KIF7: variants seen among roughly 807,000 people sequenced by gnomAD.
KIF7 encodes the protein kinesin-like protein KIF7.
KIF7 carries 104 observed loss-of-function variants against 135.7 expected under a neutral mutation model. The observed-to-expected ratio is 0.77, with a 90% CI of 0.65 to 0.90. The LOEUF is 0.90. Ranked by LOEUF, KIF7 falls within the 40% of genes least tolerant of loss-of-function variation. The pLI, the probability that KIF7 is intolerant of heterozygous loss-of-function variation, is 0.00. For missense variants in KIF7, 2,005 were observed against 1,839.1 expected, an observed-to-expected ratio of 1.09 and a Z score of -1.65; for synonymous variants, 883 against 809.4, an observed-to-expected ratio of 1.09 and a Z score of -1.54.
In KIF7 at chr15:89,645,925, CTCCTCCTCCTCT is replaced by C; in HGVS notation, c.1878_1889del (p.Glu628_Glu631del). Reference sequence around the variant, plus strand: ...GGTGTAAGGTCCGCCTGGGCGGCTCCTCCTCCTCCTCTTCCTCCTCTGAAGCAGCTGAAGAGC... The same window carrying C: ...GGTGTAAGGTCCGCCTGGGCGGCTCCTCCTCCTCTGAAGCAGCTGAAGAGC... On this transcript the variant is annotated inframe_deletion, in exon 8 of 19. Transcript: ENST00000394412. 1 of 1,613,752 alleles carries C rather than the reference CTCCTCCTCCTCT, an allele frequency of 6.2e-7. No individual in the cohort carries two copies. Among genetic ancestry groups the C allele is most frequent in the South Asian group, 1.1e-5 (1 of 91,086 alleles).
At chr15:89,633,424 G>A (rs573028765) in intron 12 of KIF7, among the ~76,000 whole-genome samples, 158 bp from the exon 13 acceptor site, 3 of 152,272 alleles carry the variant, frequency 2.0e-5, no homozygotes, top group Non-Finnish European at 1.5e-5. Flanking sequence ...CTGGAGACCG[G>A]CAAATAGACG....
At chr15:89,638,633 G>C (rs1010517296) in intron 11 of KIF7, among the ~76,000 whole-genome samples, 1 of 151,024 alleles carries the variant, frequency 6.6e-6, no homozygotes, top group African/African-American at 2.4e-5. Flanking sequence ...CACTGCTCAA[G>C]GAAATAAAAG....
chr15:89,628,996 T>C lies in KIF7; in HGVS notation c.3644A>G (p.Asn1215Ser), dbSNP rs1300396333. 1.2e-6 allele frequency: 2 copies of C among 1,613,732 alleles called. No individual in the cohort carries two copies. Among genetic ancestry groups the C allele is most frequent in the Non-Finnish European group, 1.7e-6 (2 of 1,179,944 alleles). Residue 1215 changes from asparagine (N) to serine (S), a missense_variant, in exon 18 of 19, where the codon AAC becomes AGC. Asn to Ser is a conservative substitution (Grantham distance 46). Coordinates refer to ENST00000394412, the MANE Select transcript of KIF7 (RefSeq NM_198525.3). ...GTTACCCCTGCTGTGGCCTACAGCG[T>C]TCACACCGCCGAGCTTCTGTTTCAG... is the stretch of plus-strand genomic sequence containing the variant. ...QELKQKLGGV[N>S]AVGHSRGGEK...
At chr15:89,630,874 G>A (rs538965457) in intron 15 of KIF7, 15 of 371,022 alleles carry the variant, frequency 4.0e-5, no homozygotes, top group East Asian at 6.7e-5. Context: ...TTTCGACGTC[G>A]TGCAAACATC....
Position 89,629,633 on chromosome 15 carries a change from C to G in KIF7, c.3319-60G>C. 3 of 1,596,174 alleles carry G rather than the reference C, an allele frequency of 1.9e-6. No homozygotes were observed. The East Asian group carries it at 6.7e-5, about 36-fold the overall frequency. ...ATGACCCCTCTTCATCCAGCTAATC[C>G]TCAATCACAGACACAGTATTGGCAC... On this transcript the variant is annotated intron_variant, in intron 16 of 18. Coordinates refer to ENST00000394412, the MANE Select transcript of KIF7 (RefSeq NM_198525.3).
intron 3 of KIF7, 30 bp downstream of exon 3, chr15:89,649,710 TC>T (rs1596079200): frequency 6.5e-7 from 1 of 1,547,964 alleles, no homozygotes. Context: ...TAAGCCCCTC[TC>T]CGTCAGTGGA....
At chr15:89,631,362 A>T (rs1234452371) in intron 15 of KIF7, 133 bp downstream of exon 15, 1 of 790,006 alleles carries the variant, frequency 1.3e-6, no homozygotes, top group Non-Finnish European at 2.0e-6. Context: ...CCCCACCTCC[A>T]CCTAACAGTG....
chr15:89,619,221 CT>C (rs386383750), intron 1 of KIF7, among the ~76,000 whole-genome samples: 137 of 111,986 alleles, frequency 1.2e-3, no homozygotes, highest in Non-Finnish European at 1.6e-3. Context: ...CACCATTCTT[CT>C]TTTTTTTTTT....
At chr15:89,633,634 A>C in intron 12 of KIF7, 52 bp downstream of exon 12, 1 of 1,581,168 alleles carries the variant, frequency 6.3e-7, no homozygotes, top group Non-Finnish European at 8.6e-7. Flanking sequence ...CTGGGCCGCC[A>C]GCTCAGCCTA....
At chr15:89,622,103 A>G (rs568391127) in intron 1 of KIF7, among the ~76,000 whole-genome samples, 15 of 146,670 alleles carry the variant, frequency 1.0e-4, no homozygotes, top group Non-Finnish European at 1.9e-4. Flanking sequence ...CTCCTGCCTC[A>G]GCCTCCTAAG....
intron 6 of KIF7, 85 bp downstream of exon 6, chr15:89,647,511 C>A (rs548745692): frequency 2.5e-6 from 3 of 1,212,310 alleles, no homozygotes; most frequent in East Asian, 4.7e-5. Context: ...TACCCTAACT[C>A]CCTCCCATCC....
At chr15:89,640,367 GCAC>G (rs1215859098) in intron 11 of KIF7, among the ~76,000 whole-genome samples, 6 of 151,948 alleles carry the variant, frequency 3.9e-5, no homozygotes, top group Non-Finnish European at 7.4e-5. Flanking sequence ...TACGCACCAG[GCAC>G]CACACTAAGA....
In KIF7 at chr15:89,645,038, C is replaced by A; in HGVS notation, c.2166G>T (p.Glu722Asp). Residue 722 changes from glutamate to aspartate, a missense_variant, in exon 10 of 19, where the codon GAG becomes GAT. Coordinates refer to ENST00000394412, the MANE Select transcript of KIF7 (RefSeq NM_198525.3). ...CTGTGCGGACCAGCTCGCCAATAAG[C>A]TCCTCCTTCATGCGGATGTTGATAG... ...ELAINIRMKE[E>D]LIGELVRTGK... is the part of the protein sequence containing the mutation. 1.2e-6 allele frequency: 2 copies of A among 1,608,010 alleles called. No homozygotes were observed.
the KIF7 span, among the ~76,000 whole-genome samples, chr15:89,662,402 C>T: frequency 6.6e-6 from 1 of 152,178 alleles, no homozygotes; most frequent in African/African-American, 2.4e-5. Flanking sequence ...GAGGCTGAGG[C>T]AAGACAATCG....
At chr15:89,636,389 G>A (rs1457277204) in intron 11 of KIF7, among the ~76,000 whole-genome samples, 1 of 133,494 alleles carries the variant, frequency 7.5e-6, no homozygotes, top group Non-Finnish European at 1.6e-5. Flanking sequence ...CTGGCAAATT[G>A]GATAAAGAGT....
chr15:89,650,001 G>A (rs1204902823), intron 2 of KIF7, 60 bp from the exon 3 acceptor site: 7 of 1,507,398 alleles, frequency 4.6e-6, no homozygotes, highest in Non-Finnish European at 6.3e-6. Context: ...TGGCCCCCAG[G>A]CCCGGAAGCT....
intron 1 of KIF7, chr15:89,619,811 A>G (rs544501665): frequency 4.3e-6 from 7 of 1,613,648 alleles, no homozygotes; most frequent in South Asian, 3.3e-5. Flanking sequence ...GAAGTGTGCA[A>G]AGAGTCCACT....
chr15:89,618,159 G>A (rs1464442133), exon 2 of KIF7: 1 of 1,614,052 alleles, frequency 6.2e-7, no homozygotes, highest in African/African-American at 1.3e-5. Context: ...GAGGTCCTCT[G>A]ATCCTGGTCC....
intron 11 of KIF7, among the ~76,000 whole-genome samples, chr15:89,634,472 A>G (rs570146422): frequency 2.6e-5 from 4 of 152,286 alleles, no homozygotes; most frequent in Non-Finnish European, 4.4e-5. Context: ...GGGTGCGCGC[A>G]CCGTGCGCGA....
Sources: gnomAD v4.1 joint callset for allele counts (sites outside exome capture counted in the v4.1 genomes callset) on GRCh38, gnomAD v4.1.1 for gene constraint, MANE v1.5 for transcripts, NCBI Gene and HGNC (gene_info 2026-07-23, HGNC 2026-07-21) for gene names.